The following PIKFYVE variants were observed in gnomAD, a reference collection of about 807,000 sequenced individuals.
PIKFYVE encodes phosphoinositide kinase, FYVE-type zinc finger containing, also known as 1-phosphatidylinositol 3-phosphate 5-kinase.
Under a neutral mutation model 257.9 loss-of-function variants are expected in PIKFYVE, and 122 were observed. The ratio of observed to expected loss-of-function variants is 0.47; its 90% CI spans 0.41 to 0.55. The LOEUF is 0.55. PIKFYVE is among the 20% of genes least tolerant of loss of function. The probability of loss-of-function intolerance (pLI) is 0.00; values close to 1 mark genes in which losing one functional copy is unlikely to be tolerated. For missense variants in PIKFYVE, 2,160 were observed against 2,536.6 expected (o/e 0.85, Z 3.19); for synonymous variants, 892 against 868.9 (o/e 1.03, Z -0.47).
In PIKFYVE at chr2:208,276,578, T is replaced by A. The variant is rs552562471; in HGVS notation, c.323-134T>A. 3.8e-5 allele frequency: 29 copies of A among 759,622 alleles called. No individual in the cohort carries two copies. The African/African-American group carries it at 4.1e-4, about 11-fold the overall frequency. The allele number at this position is 759,622 out of a possible 1,614,324, so 47.1% of individuals were successfully genotyped here. A position where few individuals can be genotyped will look rare whatever the true frequency, so the allele number is the denominator to read the frequency against. ...CCCTTATAAAGACTTGTTTTAACTC[T>A]CAATTCATATAACCGGGTGGGAGAA... is the stretch of plus-strand genomic sequence containing the variant. On this transcript the variant is annotated intron_variant, in intron 3 of 41. Transcript: ENST00000264380.
At chr2:208,320,016 A>G (rs73056463) in intron 16 of PIKFYVE, among the ~76,000 whole-genome samples, 22,460 of 152,128 alleles carry the variant, frequency 0.15, 1,804 homozygotes, top group African/African-American at 0.2. Context: ...TAGAAGATCA[A>G]AGTAGTATTA....
chr2:208,284,027 C>G (rs923516792), intron 5 of PIKFYVE, among the ~76,000 whole-genome samples: 2 of 152,080 alleles, frequency 1.3e-5, no homozygotes, highest in Non-Finnish European at 2.9e-5. Flanking sequence ...CTTCAGTTTT[C>G]TAATATTAGT....
rs1009518063 is a variant in PIKFYVE, at chr2:208,266,320, C to G, written c.-105C>G. On this transcript the variant is annotated 5_prime_UTR_variant, in exon 1 of 42. Coordinates refer to ENST00000264380, the MANE Select transcript of PIKFYVE (RefSeq NM_015040.4). ...CGCAACCGTCCGCGGCCTGAGGAGC[C>G]CACCGCCGCTCTCGGGGGCCGACTT... 2.6e-5 allele frequency: 4 copies of G among 152,308 alleles called. No individual in the cohort carries two copies. The highest frequency in any genetic ancestry group is 7.2e-5 in the African/African-American group (3 of 41,450). 9.4% of individuals were successfully genotyped at this position (152,308 alleles called of 1,614,324 possible).
chr2:208,277,735 A>G, intron 5 of PIKFYVE, 27 bp downstream of exon 5: 1 of 1,609,976 alleles, frequency 6.2e-7, no homozygotes, highest in Non-Finnish European at 8.5e-7. Context: ...GCCAGTTTAC[A>G]ATTTTTAAAG....
chr2:208,330,316 G>A (rs551601914), intron 22 of PIKFYVE, among the ~76,000 whole-genome samples: 12 of 152,262 alleles, frequency 7.9e-5, no homozygotes, highest in African/African-American at 2.9e-4. Flanking sequence ...GAAGGTAAAA[G>A]GAAATGTTTT....
chr2:208,290,015 A>G (rs1574471358), intron 7 of PIKFYVE, among the ~76,000 whole-genome samples: 1 of 152,220 alleles, frequency 6.6e-6, no homozygotes, highest in East Asian at 1.9e-4. Context: ...CAGAAAGTAC[A>G]GAGAGTTCCC....
At position 208,353,932 on chromosome 2, in the gene PIKFYVE, A is replaced by G; in HGVS notation, c.5879A>G (p.Asn1960Ser). 1 of 1,614,056 alleles carries G rather than the reference A, an allele frequency of 6.2e-7. No individual in the cohort carries two copies. Among genetic ancestry groups the G allele is most frequent in the Non-Finnish European group, 8.5e-7 (1 of 1,179,956 alleles). The change falls in exon 40 of 42, where the codon AAT becomes AGT. Residue 1960 changes from asparagine to serine, a missense_variant. Coordinates refer to ENST00000264380, the MANE Select transcript of PIKFYVE (RefSeq NM_015040.4). ...FDLKGSLRNRNVKTDTGKESC... is the reference protein window; with the variant it reads ...FDLKGSLRNRSVKTDTGKESC... ...TTGAAGGGCTCTCTTAGGAATCGGA[A>G]TGTAAAAACTGACACTGGAAAAGAG...
chr2:208,270,844 G>A (rs1370879060), intron 1 of PIKFYVE, among the ~76,000 whole-genome samples: 2 of 152,034 alleles, frequency 1.3e-5, no homozygotes, highest in Admixed American at 1.3e-4. Flanking sequence ...GACCAGCCTG[G>A]CCAACATGGT....
In PIKFYVE at chr2:208,330,683, A is replaced by G; in HGVS notation, c.3952A>G (p.Ile1318Val). 6.2e-7 allele frequency: 1 copy of G among 1,613,198 alleles called. No individual in the cohort carries two copies. Among genetic ancestry groups the G allele is most frequent in the Non-Finnish European group, 8.5e-7 (1 of 1,179,508 alleles). ...HTILTYSWCR[I>V]CKQVTPVVAL... is the part of the protein sequence containing the mutation. Reference sequence around the variant, plus strand: ...AATTCTTACATATTCCTGGTGTAGAATCTGCAAACAGGTAAATAGACCCTA... The same window carrying G: ...AATTCTTACATATTCCTGGTGTAGAGTCTGCAAACAGGTAAATAGACCCTA... The change falls in exon 23 of 42, where the codon ATC (isoleucine) becomes GTC (valine). Residue 1318 changes from isoleucine (I) to valine (V), a missense_variant. By Grantham distance (29) the Ile-to-Val change is conservative (BLOSUM62 3). Around this residue, in one of 12 missense-constraint regions of PIKFYVE, gnomAD observed 55 missense variants for 103.0 expected, o/e 0.53. Transcript: ENST00000264380.
At chr2:208,268,129 TTA>T (rs1268145074) in intron 1 of PIKFYVE, among the ~76,000 whole-genome samples, 1 of 152,118 alleles carries the variant, frequency 6.6e-6, no homozygotes, top group Non-Finnish European at 1.5e-5. Flanking sequence ...AGAGTGAGAG[TTA>T]TAAGATAATT....
intron 12 of PIKFYVE, among the ~76,000 whole-genome samples, chr2:208,310,222 G>T (rs13412043): frequency 0.15 from 22,185 of 152,016 alleles, 1,764 homozygotes; most frequent in African/African-American, 0.19. Context: ...TTTGCCTCTG[G>T]TTTTCATTCC....
chr2:208,304,776 A>G (rs1574533076), intron 11 of PIKFYVE, 70 bp from the exon 12 acceptor site: 1 of 1,456,250 alleles, frequency 6.9e-7, no homozygotes, highest in Non-Finnish European at 9.6e-7. Context: ...CTTTCCTCCA[A>G]TACCCTGATA....
At chr2:208,336,018 C>T (rs1698108681) in intron 26 of PIKFYVE, 28 bp from the exon 27 acceptor site, 1 of 1,613,624 alleles carries the variant, frequency 6.2e-7, no homozygotes, top group Non-Finnish European at 8.5e-7. Context: ...TAGTGTCTGT[C>T]TCCTGAAGTT....
chr2:208,307,062 A>G (rs11901959), intron 12 of PIKFYVE, among the ~76,000 whole-genome samples: 20,174 of 152,246 alleles, frequency 0.13, 1,432 homozygotes, highest in Non-Finnish European at 0.15. Context: ...TACAGGCATA[A>G]GCCACTGTGC....
At position 208,345,201 on chromosome 2, in the gene PIKFYVE, C is replaced by A; in HGVS notation, c.5111+7C>A. 1 of 1,591,202 alleles carries A rather than the reference C, an allele frequency of 6.3e-7. No individual in the cohort carries two copies. The highest frequency in any genetic ancestry group is 1.1e-5 in the South Asian group (1 of 90,546). On this transcript the variant is annotated splice_region_variant and intron_variant, in intron 33 of 41. Coordinates refer to ENST00000264380, the MANE Select transcript of PIKFYVE (RefSeq NM_015040.4). The stretch of plus-strand genomic sequence containing the variant: ...AAGGGCTTCCAACAAATAGGTGATT[C>A]ATGATTGAGTAGAAACTATTTTAAT...
At chr2:208,345,016 G>A in intron 32 of PIKFYVE, 95 bp from the exon 33 acceptor site, 3 of 851,684 alleles carry the variant, frequency 3.5e-6, no homozygotes, top group Admixed American at 4.2e-5. Context: ...TATAATGATT[G>A]TGCTTCTATA....
rs535284184 is a variant in PIKFYVE at position 208,276,690 on chromosome 2, CT to C, written c.323-13del. On this transcript the variant is annotated intron_variant, in intron 3 of 41. Coordinates refer to ENST00000264380, the MANE Select transcript of PIKFYVE (RefSeq NM_015040.4). ...ATACTAGGGACTGTTAACAAGGTTG[CT>C]TTTTTTTTAATCCAACTCAGACACA... 600 of 1,537,676 alleles carry C rather than the reference CT, an allele frequency of 3.9e-4. No homozygotes were observed. The highest frequency in any genetic ancestry group is 6.8e-4 in the Middle Eastern group (4 of 5,878).
rs964350769 is a variant in PIKFYVE at position 208,357,666 on chromosome 2, C to A, written c.*2361C>A. ...AATTTATTTCTATTGAGTGGTAGAA[C>A]TATATGTCTGGTCCCTTGCTGCTCT... On this transcript the variant is annotated 3_prime_UTR_variant, in exon 42 of 42. Transcript: ENST00000264380. The A allele has an allele frequency of 1.3e-5, 2 of 152,124 alleles. No individual in the cohort carries two copies. The highest frequency in any genetic ancestry group is 4.8e-5 in the African/African-American group (2 of 41,416). The allele number at this position is 152,124 out of a possible 1,614,324, so 9.4% of individuals were successfully genotyped here. A position where few individuals can be genotyped will look rare whatever the true frequency, so the allele number is the denominator to read the frequency against.
chr2:208,308,927 C>CT (rs1694658325), intron 12 of PIKFYVE, among the ~76,000 whole-genome samples: 1 of 152,172 alleles, frequency 6.6e-6, no homozygotes, highest in Non-Finnish European at 1.5e-5. Flanking sequence ...AGGCTGGTCT[C>CT]TAACTCCTGA....
Sources: allele counts gnomAD v4.1 joint callset (sites outside exome capture counted in the v4.1 genomes callset), GRCh38; gene constraint gnomAD v4.1.1; regional missense constraint gnomAD v4.1.1; transcripts MANE v1.5; gene names NCBI Gene and HGNC (gene_info 2026-07-23, HGNC 2026-07-21).